PTPRD: variants seen among roughly 807,000 people sequenced by gnomAD.
PTPRD encodes receptor-type tyrosine-protein phosphatase delta.
In PTPRD, 34 loss-of-function variants were observed where a neutral mutation model predicts 214.5. That is an observed-to-expected ratio of 0.16 (90% CI 0.12 to 0.21). The LOEUF (loss-of-function observed/expected upper bound fraction) is 0.21, where lower values mean the gene tolerates loss of function less well. Among genes scored for constraint, PTPRD ranks in the 10% least tolerant of loss-of-function variants. The pLI, the probability that PTPRD is intolerant of heterozygous loss-of-function variation, is 1.00. For synonymous variants in PTPRD, 1,128 were observed against 845.7 expected, an observed-to-expected ratio of 1.33 and a Z score of -5.79; for missense variants, 2,545 against 2,398.7, an observed-to-expected ratio of 1.06 and a Z score of -1.27.
intron 9 of PTPRD, among the ~76,000 whole-genome samples, chr9:9,386,414 A>G (rs758147826): frequency 5.3e-5 from 8 of 152,162 alleles, no homozygotes; most frequent in African/African-American, 7.2e-5. Context: ...CCAGCAAATA[A>G]GAGAATGAAG....
chr9:9,430,535 A>G (rs958294542), intron 8 of PTPRD, among the ~76,000 whole-genome samples: 1 of 152,248 alleles, frequency 6.6e-6, no homozygotes, highest in Non-Finnish European at 1.5e-5. Flanking sequence ...TTTTCTTCAC[A>G]GAATTGGAAA....
chr9:9,084,760 A>C lies in PTPRD; in HGVS notation c.-142-66025T>G, dbSNP rs527476233. On this transcript the variant is annotated intron_variant, in intron 10 of 45. Transcript: ENST00000381196. ...AGGTGCTTAGAGAAGGACACTTGAA[A>C]GAGGAAGAGTAGATTGCTTCATAGT... 9.3e-4 allele frequency among the ~76,000 whole-genome samples: 142 copies of C among 152,230 alleles called. 1 individual carries two copies. The highest frequency in any genetic ancestry group is 3.4e-3 in the African/African-American group (140 of 41,522).
At chr9:10,049,859 A>G (rs1589731890) in intron 3 of PTPRD, among the ~76,000 whole-genome samples, 1 of 152,322 alleles carries the variant, frequency 6.6e-6, no homozygotes, top group Non-Finnish European at 1.5e-5. Flanking sequence ...ACACCTGACA[A>G]GGGACTTTGG....
intron 10 of PTPRD, among the ~76,000 whole-genome samples, chr9:9,087,878 CTTTTTTT>C (rs59824704): frequency 3.5e-4 from 24 of 68,646 alleles, no homozygotes; most frequent in African/African-American, 8.1e-4. Flanking sequence ...GCCCTAAACT[CTTTTTTT>C]TTTTTTTTTT....
At chr9:10,470,050 T>G (rs1234328274) in intron 2 of PTPRD, among the ~76,000 whole-genome samples, 1 of 152,030 alleles carries the variant, frequency 6.6e-6, no homozygotes, top group Admixed American at 6.6e-5. Flanking sequence ...ACAGGTAGTG[T>G]TTGGTACCAA....
At chr9:9,320,536 C>T (rs938512331) in intron 9 of PTPRD, among the ~76,000 whole-genome samples, 1 of 152,124 alleles carries the variant, frequency 6.6e-6, no homozygotes, top group African/African-American at 2.4e-5. Context: ...ACTTCACTTA[C>T]ATCTGTAGTA....
intron 39 of PTPRD, among the ~76,000 whole-genome samples, chr9:8,352,296 T>C (rs932749349): frequency 6.6e-6 from 1 of 152,146 alleles, no homozygotes; most frequent in Non-Finnish European, 1.5e-5. Flanking sequence ...AACAGGCCAT[T>C]AGGCATGGAT....
chr9:9,536,901 T>C (rs544471205), intron 8 of PTPRD, among the ~76,000 whole-genome samples: 1 of 152,108 alleles, frequency 6.6e-6, no homozygotes, highest in Non-Finnish European at 1.5e-5. Context: ...ACGACAGTTA[T>C]GGAAGTGAGT....
At chr9:9,174,446 T>C (rs143944869) in intron 10 of PTPRD, among the ~76,000 whole-genome samples, 108 of 152,314 alleles carry the variant, frequency 7.1e-4, no homozygotes, top group African/African-American at 2.5e-3. Context: ...CATACTCCTA[T>C]TGGCTCAAAT....
chr9:8,697,417 CTTTTTT>C (rs752677458), intron 12 of PTPRD, among the ~76,000 whole-genome samples: 6 of 63,244 alleles, frequency 9.5e-5, no homozygotes, highest in African/African-American at 2.0e-4. Flanking sequence ...TTTTTATGTA[CTTTTTT>C]TTTTTTTTTT....
intron 10 of PTPRD, among the ~76,000 whole-genome samples, chr9:9,125,883 G>C (rs1187414807): frequency 1.3e-5 from 2 of 152,130 alleles, no homozygotes; most frequent in East Asian, 3.9e-4. Flanking sequence ...TTACTGAGGA[G>C]GTGACCTTTG....
rs144039613 is a variant in PTPRD, at chr9:8,458,523, T to C, written c.3875+1888A>G. Among the ~76,000 whole-genome samples the C allele has an allele frequency of 4.1e-4, 63 of 152,282 alleles. 2 individuals carry two copies. In the East Asian group the frequency reaches 0.011, roughly 27 times the overall value. On this transcript the variant is annotated intron_variant, in intron 33 of 45. Coordinates refer to ENST00000381196, the MANE Select transcript of PTPRD (RefSeq NM_002839.4). ...CTTGTTTTTTGACCTACTCCCATAGTAGTATGTGACTACCTAAATCAATAT... is the reference window on the plus strand; with the variant it reads ...CTTGTTTTTTGACCTACTCCCATAGCAGTATGTGACTACCTAAATCAATAT...
chr9:8,662,819 T>C (rs2097091354), intron 12 of PTPRD, among the ~76,000 whole-genome samples: 1 of 152,166 alleles, frequency 6.6e-6, no homozygotes, highest in Non-Finnish European at 1.5e-5. Flanking sequence ...AAAACAACTG[T>C]TTTAAATTTT....
chr9:8,456,439 A>C (rs2133923655), intron 33 of PTPRD, among the ~76,000 whole-genome samples: 1 of 152,248 alleles, frequency 6.6e-6, no homozygotes, highest in African/African-American at 2.4e-5. Context: ...ATCCAAGCCA[A>C]AAGGAGTGGC....
At chr9:10,065,121 T>C (rs2097850722) in intron 3 of PTPRD, among the ~76,000 whole-genome samples, 1 of 91,850 alleles carries the variant, frequency 1.1e-5, no homozygotes, top group African/African-American at 4.3e-5. Flanking sequence ...TTCTGCCTAA[T>C]ACTTTGTTGT....
chr9:8,934,864 T>A (rs945263312), intron 11 of PTPRD, among the ~76,000 whole-genome samples: 1 of 152,044 alleles, frequency 6.6e-6, no homozygotes, highest in Admixed American at 6.6e-5. Context: ...TTAAGTAGTA[T>A]TTGTCTTTCT....
At chr9:10,377,649 C>A (rs1320252594) in intron 2 of PTPRD, among the ~76,000 whole-genome samples, 1 of 151,970 alleles carries the variant, frequency 6.6e-6, no homozygotes, top group Non-Finnish European at 1.5e-5. Context: ...GCATAGTATT[C>A]CATGGTGTAT....
At chr9:9,729,864 C>G (rs1325100747) in intron 7 of PTPRD, among the ~76,000 whole-genome samples, 1 of 151,966 alleles carries the variant, frequency 6.6e-6, no homozygotes, top group Non-Finnish European at 1.5e-5. Context: ...AAATTTACAT[C>G]AGGATAGCAT....
intron 14 of PTPRD, among the ~76,000 whole-genome samples, chr9:8,627,451 G>C (rs1192885405): frequency 6.6e-6 from 1 of 151,786 alleles, no homozygotes; most frequent in African/African-American, 2.4e-5. Flanking sequence ...CTATGGTTCG[G>C]TTAACAAGTT....
Sources: gnomAD v4.1 joint callset for allele counts (sites outside exome capture counted in the v4.1 genomes callset) on GRCh38, gnomAD v4.1.1 for gene constraint, MANE v1.5 for transcripts, NCBI Gene and HGNC (gene_info 2026-07-23, HGNC 2026-07-21) for gene names.